SLCO4C1: variants seen among roughly 807,000 people sequenced by gnomAD.
The protein encoded by SLCO4C1 is solute carrier organic anion transporter family member 4C1.
Under a neutral mutation model 72.1 loss-of-function variants are expected in SLCO4C1, and 58 were observed. That is an observed-to-expected ratio of 0.80 (90% CI 0.65 to 1.00). The LOEUF (loss-of-function observed/expected upper bound fraction) is 1.00, where lower values mean the gene tolerates loss of function less well. Ranked by LOEUF, SLCO4C1 falls within the 50% of genes least tolerant of loss-of-function variation. SLCO4C1 has a pLI of 0.00. For missense variants in SLCO4C1, 898 were observed against 857.9 expected (o/e 1.05, Z -0.58); for synonymous variants, 297 against 312.5 (o/e 0.95, Z 0.52).
chr5:102,255,601 A>T (rs1003677205), intron 8 of SLCO4C1, among the ~76,000 whole-genome samples: 1 of 152,158 alleles, frequency 6.6e-6, no homozygotes, highest in Non-Finnish European at 1.5e-5. Context: ...CACATTTTAT[A>T]GCATTTATAA....
chr5:102,258,296 G>A (rs1041101312), intron 6 of SLCO4C1, among the ~76,000 whole-genome samples: 5 of 152,136 alleles, frequency 3.3e-5, no homozygotes, highest in Non-Finnish European at 7.4e-5. Context: ...CTAGAAAATT[G>A]ATAGATAATT....
intron 2 of SLCO4C1, among the ~76,000 whole-genome samples, chr5:102,277,759 T>C (rs1749275429): frequency 7.5e-6 from 1 of 133,388 alleles, no homozygotes; most frequent in South Asian, 2.3e-4. Context: ...AGACAGAAGA[T>C]TTAAATAAGA....
intron 9 of SLCO4C1, among the ~76,000 whole-genome samples, chr5:102,247,917 CTTTTTTTTTTT>C (rs55692838): frequency 1.9e-5 from 2 of 107,424 alleles, no homozygotes; most frequent in East Asian, 3.0e-4. Context: ...AGGCCAGAAA[CTTTTTTTTTTT>C]TTTTTTTTTT....
chr5:102,251,732 G>T lies in SLCO4C1; in HGVS notation c.1470-1944C>A, dbSNP rs187206199. ...ATTTGGTGGAGAAGAAATCTTGAAT[G>T]GAGCTAGATTTCTTAATAACCATTT... On this transcript the variant is annotated intron_variant, in intron 8 of 12. Coordinates refer to ENST00000310954, the MANE Select transcript of SLCO4C1 (RefSeq NM_180991.5). 5.7e-4 allele frequency among the ~76,000 whole-genome samples: 87 copies of T among 152,286 alleles called. 1 individual carries two copies. The highest frequency in any genetic ancestry group is 3.9e-3 in the Admixed American group (60 of 15,288).
rs557069013 is a variant in SLCO4C1 at position 102,264,495 on chromosome 5, T to C, written c.803-715A>G. ...TTCACTTTTTTTCCCCTTTTTTAGT[T>C]GACACATAACCATTGTACAGATTTA... On this transcript the variant is annotated intron_variant, in intron 3 of 12. Coordinates refer to ENST00000310954, the MANE Select transcript of SLCO4C1 (RefSeq NM_180991.5). Among the ~76,000 whole-genome samples the C allele has an allele frequency of 5.9e-5, 9 of 152,124 alleles. No homozygotes were observed. The South Asian group carries it at 1.9e-3, about 32-fold the overall frequency.
chr5:102,270,225 C>A (rs1172528762), intron 3 of SLCO4C1, among the ~76,000 whole-genome samples: 1 of 152,066 alleles, frequency 6.6e-6, no homozygotes. Context: ...ACAATGGTTT[C>A]TTTTGTGGAC....
At chr5:102,251,371 C>T (rs1748736407) in intron 8 of SLCO4C1, among the ~76,000 whole-genome samples, 1 of 152,104 alleles carries the variant, frequency 6.6e-6, no homozygotes, top group Admixed American at 6.5e-5. Context: ...TAAGATAGAA[C>T]ATATGATGAT....
rs756824772 is a variant in SLCO4C1, at chr5:102,247,303, A to G, written c.1760T>C (p.Val587Ala). 1 of 1,585,516 alleles carries G rather than the reference A, an allele frequency of 6.3e-7. No individual in the cohort carries two copies. Among genetic ancestry groups the G allele is most frequent in the Non-Finnish European group, 8.6e-7 (1 of 1,159,540 alleles). The change falls in exon 10 of 13, where the codon GTA (valine) becomes GCA (alanine). Residue 587 changes from valine to alanine, a missense_variant. Physicochemically the swap from Val to Ala is moderately conservative, Grantham distance 64. Transcript: ENST00000310954. Reference sequence around the variant, plus strand: ...ACCGGCCATAAAGGTAAAAATAATTACAATAAAGAAAATGCAAAGGAATAT... The same window carrying G: ...ACCGGCCATAAAGGTAAAAATAATTGCAATAAAGAAAATGCAAAGGAATAT... ...LPIFLCIFFIVIIFTFMAGTP... is the reference protein window; with the variant it reads ...LPIFLCIFFIAIIFTFMAGTP...
At chr5:102,282,575 T>A (rs146985638) in intron 2 of SLCO4C1, among the ~76,000 whole-genome samples, 1 of 152,072 alleles carries the variant, frequency 6.6e-6, no homozygotes, top group African/African-American at 2.4e-5. Context: ...AGCAAAAAGA[T>A]TCTGCAACTC....
At chr5:102,291,211 A>G in intron 2 of SLCO4C1, 132 bp downstream of exon 2, 1 of 923,248 alleles carries the variant, frequency 1.1e-6, no homozygotes, top group Non-Finnish European at 1.6e-6. Flanking sequence ...TCACACAATG[A>G]ACAAACCAGT....
Position 102,269,631 on chromosome 5 carries a change from T to A in SLCO4C1, c.802+993A>T, listed in dbSNP as rs1027715043. On this transcript the variant is annotated intron_variant, in intron 3 of 12. Coordinates refer to ENST00000310954, the MANE Select transcript of SLCO4C1 (RefSeq NM_180991.5). ...GTTGTTTATCTGAGTTCCCTTGATATCGTACTGAGTTTCTTTAAGACCATT... is the reference window on the plus strand; with the variant it reads ...GTTGTTTATCTGAGTTCCCTTGATAACGTACTGAGTTTCTTTAAGACCATT... Among the ~76,000 whole-genome samples the A allele has an allele frequency of 3.3e-5, 5 of 152,184 alleles. No homozygotes were observed. The East Asian group carries it at 7.7e-4, about 23-fold the overall frequency.
At position 102,285,520 on chromosome 5, in the gene SLCO4C1, A is replaced by G. The variant is rs189546278; in HGVS notation, c.619+5823T>C. 4.1e-3 allele frequency among the ~76,000 whole-genome samples: 622 copies of G among 152,230 alleles called. 3 individuals are homozygous for G. The highest frequency in any genetic ancestry group is 0.02 in the Middle Eastern group (6 of 294). ...GGCTGGTCTCAAACTCCTGGCCTCA[A>G]GTAATCCACCCACCTCAGCCTCCCA... is the stretch of plus-strand genomic sequence containing the variant. On this transcript the variant is annotated intron_variant, in intron 2 of 12. Transcript: ENST00000310954.
intron 10 of SLCO4C1, among the ~76,000 whole-genome samples, chr5:102,243,357 A>G (rs1402497312): frequency 6.6e-6 from 1 of 152,188 alleles, no homozygotes; most frequent in African/African-American, 2.4e-5. Flanking sequence ...AAACAGAACT[A>G]GTAACCATGG....
intron 10 of SLCO4C1, among the ~76,000 whole-genome samples, chr5:102,243,404 G>A (rs371687943): frequency 1.3e-5 from 2 of 152,176 alleles, no homozygotes; most frequent in East Asian, 1.9e-4. Flanking sequence ...ACCCAAAACT[G>A]TGCTGGCTTC....
chr5:102,284,841 A>AT (rs373090071), intron 2 of SLCO4C1, among the ~76,000 whole-genome samples: 1 of 151,908 alleles, frequency 6.6e-6, no homozygotes, highest in Non-Finnish European at 1.5e-5. Flanking sequence ...TCATTGACAC[A>AT]TTTTTTTCCT....
In SLCO4C1 at chr5:102,272,277, A is replaced by C. The variant is rs565293905; in HGVS notation, c.620-1471T>G. ...TGATCTTGTGTCACTAATCTGTGCA[A>C]TCCCACTCCAGCACAAATCTCTTGT... On this transcript the variant is annotated intron_variant, in intron 2 of 12. Transcript: ENST00000310954. Among the ~76,000 whole-genome samples, 5 of 152,272 alleles carry C rather than the reference A, an allele frequency of 3.3e-5. No homozygotes were observed. The East Asian group carries it at 9.7e-4, about 29-fold the overall frequency.
chr5:102,292,166 T>C (rs1749569682), intron 1 of SLCO4C1, among the ~76,000 whole-genome samples: 1 of 152,180 alleles, frequency 6.6e-6, no homozygotes, highest in African/African-American at 2.4e-5. Flanking sequence ...TTTTCAGGTG[T>C]CCAACAAGAC....
intron 2 of SLCO4C1, among the ~76,000 whole-genome samples, chr5:102,278,534 T>C (rs993178762): frequency 6.6e-6 from 1 of 152,176 alleles, no homozygotes; most frequent in African/African-American, 2.4e-5. Context: ...GCAAAATACA[T>C]TTTCTTTTCA....
rs796951834 is a variant in SLCO4C1 at position 102,236,581 on chromosome 5, CGTGTGTGTGTGTGTGTGTGTGTTCGT to C, written c.*251_*276del. 7.0e-4 allele frequency: 185 copies of C among 262,420 alleles called. No individual in the cohort carries two copies. Among genetic ancestry groups the C allele is most frequent in the African/African-American group, 4.1e-3 (170 of 41,486 alleles). The allele number at this position is 262,420 out of a possible 1,614,324, so 16.3% of individuals were successfully genotyped here. A position where few individuals can be genotyped will look rare whatever the true frequency, so the allele number is the denominator to read the frequency against. On this transcript the variant is annotated 3_prime_UTR_variant, in exon 13 of 13. Transcript: ENST00000310954. ...AATAGGAAATAAGTGTGTATGTGTG[CGTGTGTGTGTGTGTGTGTGTGTTCGT>C]GTGTGTGTGTGTGTGTGTGCTCGTG... is the stretch of plus-strand genomic sequence containing the variant.
Sources: allele counts gnomAD v4.1 joint callset (sites outside exome capture counted in the v4.1 genomes callset), GRCh38; gene constraint gnomAD v4.1.1; transcripts MANE v1.5; gene names NCBI Gene and HGNC (gene_info 2026-07-23, HGNC 2026-07-21).